The following FCHO1 variants were observed in gnomAD, a reference collection of about 807,000 sequenced individuals.
FCHO1 encodes the protein FCH and mu domain containing endocytic adaptor 1.
In FCHO1, 45 loss-of-function variants were observed where a neutral mutation model predicts 114.4. The ratio of observed to expected loss-of-function variants is 0.39; its 90% confidence interval spans 0.31 to 0.50. The LOEUF is 0.50. FCHO1 is among the 20% of genes least tolerant of loss of function. The pLI is 0.77. For synonymous variants in FCHO1, 480 were observed against 488.9 expected, an observed-to-expected ratio of 0.98 and a Z score of 0.24; for missense variants, 1,042 against 1,209.6, an observed-to-expected ratio of 0.86 and a Z score of 2.06.
In FCHO1 at chr19:17,770,829, G is replaced by A. The variant is rs748511310; in HGVS notation, c.527G>A (p.Arg176Gln). Residue 176 changes from arginine to glutamine, a missense_variant, in exon 9 of 29, where the codon CGG becomes CAG. Coordinates refer to ENST00000596536, the MANE Select transcript of FCHO1 (RefSeq NM_015122.3). The stretch of plus-strand genomic sequence containing the variant: ...ACCAAGAAGGCGGCAGAGAGCCTGC[G>A]GCGCTCAGTGGAAAAATACAACTCA... Reference protein sequence around the residue: ...TKTKKAAESLRRSVEKYNSAR... With the variant: ...TKTKKAAESLQRSVEKYNSAR... 1.1e-5 allele frequency: 17 copies of A among 1,614,026 alleles called. No homozygotes were observed. The Admixed American group carries it at 1.2e-4, about 11-fold the overall frequency.
rs1236023080 is a variant in FCHO1 at position 17,776,531 on chromosome 19, G to C, written c.1208-104G>C. On this transcript the variant is annotated intron_variant, in intron 17 of 28. Transcript: ENST00000596536. This position sits in a 1 kb window ranked among gnomAD's most constrained non-coding sequence, Gnocchi z 4.4. ...GTCTGCCTGATTTGCTGATCACCTT[G>C]GGCAACTGGCTGGACACCCCCGAGC... The C allele has an allele frequency of 2.3e-6, 3 of 1,325,372 alleles. No individual in the cohort carries two copies. The highest frequency in any genetic ancestry group is 3.3e-6 in the Non-Finnish European group (3 of 922,080). The allele number at this position is 1,325,372 out of a possible 1,614,324, so 82.1% of individuals were successfully genotyped here.
chr19:17,748,996 C>T (rs2081285171), upstream of FCHO1, among the ~76,000 whole-genome samples: 2 of 152,162 alleles, frequency 1.3e-5, no homozygotes, highest in Non-Finnish European at 2.9e-5. Flanking sequence ...TGATGACACT[C>T]TGATATTGGG....
Position 17,776,952 on chromosome 19 carries a change from C to T in FCHO1, c.1259+266C>T, listed in dbSNP as rs1392351620. 6.6e-6 allele frequency among the ~76,000 whole-genome samples: 1 copy of T among 151,988 alleles called. No individual in the cohort carries two copies. Among genetic ancestry groups the T allele is most frequent in the Admixed American group, 6.6e-5 (1 of 15,260 alleles). ...AGCTGAGATTACAGGCACCCACCAC[C>T]ACGCCCAGCTAACTTTTGTATTTTT... is the stretch of plus-strand genomic sequence containing the variant. On this transcript the variant is annotated intron_variant, in intron 18 of 28. Coordinates refer to ENST00000596536, the MANE Select transcript of FCHO1 (RefSeq NM_015122.3). The surrounding 1 kb of genome is among the most constrained non-coding windows in gnomAD (Gnocchi z 4.4).
chr19:17,758,396 G>A (rs970854897), intron 4 of FCHO1, among the ~76,000 whole-genome samples: 5 of 152,208 alleles, frequency 3.3e-5, no homozygotes, highest in East Asian at 1.9e-4. Context: ...GAATAGCCTG[G>A]ACAAAATGTG....
Position 17,784,326 on chromosome 19 carries a change from G to A in FCHO1, c.2226+91G>A, listed in dbSNP as rs2093682302. 1 of 1,473,046 alleles carries A rather than the reference G, an allele frequency of 6.8e-7. No homozygotes were observed. 91.2% of individuals were successfully genotyped at this position (1,473,046 alleles called of 1,614,324 possible). A position where few individuals can be genotyped will look rare whatever the true frequency, so the allele number is the denominator to read the frequency against. On this transcript the variant is annotated intron_variant, in intron 25 of 28. Coordinates refer to ENST00000596536, the MANE Select transcript of FCHO1 (RefSeq NM_015122.3). The surrounding 1 kb of genome is among the most constrained non-coding windows in gnomAD (Gnocchi z 5.3). ...CATGGAGGCGCCTGCGTGTTGGCCA[G>A]GCTGGTCTCGAATTCCTGACCTCAA...
At position 17,781,318 on chromosome 19, in the gene FCHO1, C is replaced by G. The variant is rs922839225; in HGVS notation, c.1715C>G (p.Pro572Arg). The change falls in exon 21 of 29, where the codon CCT becomes CGT. Residue 572 changes from proline (P) to arginine (R), a missense_variant. By Grantham distance (103) the Pro-to-Arg change is moderately radical. This residue lies in a region of FCHO1 where 455 missense variants were observed against 455.4 expected (regional missense o/e 1.00). Coordinates refer to ENST00000596536, the MANE Select transcript of FCHO1 (RefSeq NM_015122.3). ...RRLRSRKVSCPLTRSNGDLSR... is the reference protein window; with the variant it reads ...RRLRSRKVSCRLTRSNGDLSR... ...CTTCGCTCTAGGAAGGTGTCCTGCC[C>G]TCTCACACGTAGCAATGGGGACCTG... The G allele has an allele frequency of 1.2e-6, 2 of 1,613,930 alleles. No individual in the cohort carries two copies. The highest frequency in any genetic ancestry group is 2.7e-5 in the African/African-American group (2 of 74,912).
At chr19:17,778,291 G>T (rs1394971255) in intron 19 of FCHO1, 63 bp downstream of exon 19, 2 of 1,349,508 alleles carry the variant, frequency 1.5e-6, no homozygotes, top group Non-Finnish European at 2.1e-6. Context: ...TGGGGCCATT[G>T]CAGAGTTAGG....
At chr19:17,785,856 G>T (rs2093834776) in intron 26 of FCHO1, among the ~76,000 whole-genome samples, 1 of 150,498 alleles carries the variant, frequency 6.6e-6, no homozygotes. Flanking sequence ...AAATAGTAGT[G>T]GTAGTGTGCT....
rs767348144 is a variant in FCHO1 at position 17,784,736 on chromosome 19, G to T, written c.2238G>T (p.Pro746=). 1 of 1,613,852 alleles carries T rather than the reference G, an allele frequency of 6.2e-7. No homozygotes were observed. The highest frequency in any genetic ancestry group is 8.5e-7 in the Non-Finnish European group (1 of 1,180,016). Residue 746 remains proline (P), a synonymous_variant, in exon 26 of 29, where the codon CCG becomes CCT. Transcript: ENST00000596536. This position sits in a 1 kb window ranked among gnomAD's most constrained non-coding sequence, Gnocchi z 5.3. ...CTCATTCTTCCTAGTTCTCCCGCCC[G>T]GGTCCCCAGTCTGTGCCTCTGCAGC... ...VVLLRYQFSR[P]GPQSVPLQLS...
chr19:17,783,655 A>T (rs1239895560), intron 24 of FCHO1, among the ~76,000 whole-genome samples: 1 of 150,568 alleles, frequency 6.6e-6, no homozygotes, highest in African/African-American at 2.5e-5. Flanking sequence ...ATCTCGGCTC[A>T]CTGCAAGCTC....
intron 4 of FCHO1, among the ~76,000 whole-genome samples, chr19:17,760,660 G>A (rs2085755421): frequency 6.6e-6 from 1 of 152,088 alleles, no homozygotes; most frequent in African/African-American, 2.4e-5. Context: ...CTTGCTGCTT[G>A]TATCATCTCC....
At position 17,784,192 on chromosome 19, in the gene FCHO1, A is replaced by G; in HGVS notation, c.2183A>G (p.Asn728Ser). 1 of 1,613,460 alleles carries G rather than the reference A, an allele frequency of 6.2e-7. No homozygotes were observed. The highest frequency in any genetic ancestry group is 8.5e-7 in the Non-Finnish European group (1 of 1,179,772). Residue 728 changes from asparagine (N) to serine (S), a missense_variant, in exon 25 of 29, where the codon AAC becomes AGC. Asn to Ser is a conservative substitution (Grantham distance 46). Around this residue, in one of 3 missense-constraint regions of FCHO1, gnomAD observed 455 missense variants for 455.4 expected, o/e 1.00. Coordinates refer to ENST00000596536, the MANE Select transcript of FCHO1 (RefSeq NM_015122.3). This position sits in a 1 kb window ranked among gnomAD's most constrained non-coding sequence, Gnocchi z 5.3. ...TEALQRQAEQ[N>S]PTASYYNVVL... ...GCCCTGCAGCGCCAGGCAGAGCAGA[A>G]CCCCACTGCCTCCTACTACAACGTG... is the stretch of plus-strand genomic sequence containing the variant.
intron 20 of FCHO1, among the ~76,000 whole-genome samples, chr19:17,780,011 G>A (rs66870002): frequency 0.38 from 58,012 of 151,224 alleles, 12,028 homozygotes; most frequent in East Asian, 0.75. Context: ...GGAAGCCCCC[G>A]AGTCAGAGGG....
intron 6 of FCHO1, among the ~76,000 whole-genome samples, chr19:17,764,783 G>A (rs1435245593): frequency 1.3e-5 from 2 of 152,018 alleles, no homozygotes; most frequent in African/African-American, 4.8e-5. Context: ...GCTGGGAAGG[G>A]GGCCAGGTGC....
Position 17,766,738 on chromosome 19 carries a change from G to A in FCHO1, c.264G>A (p.Leu88=). 6.2e-7 allele frequency: 1 copy of A among 1,614,172 alleles called. No homozygotes were observed. Among genetic ancestry groups the A allele is most frequent in the Non-Finnish European group, 8.5e-7 (1 of 1,180,014 alleles). ...SDKLALCHLE[L]TRKLQDLIKD... The stretch of plus-strand genomic sequence containing the variant: ...AGCTGGCGCTGTGCCACCTGGAACT[G>A]ACACGGAAGTTACAGGATCTCATCA... The change falls in exon 7 of 29, where the codon CTG becomes CTA. Residue 88 remains leucine (L), a synonymous_variant. Coordinates refer to ENST00000596536, the MANE Select transcript of FCHO1 (RefSeq NM_015122.3).
intron 27 of FCHO1, 30 bp downstream of exon 27, chr19:17,786,659 T>TG: frequency 8.2e-6 from 2 of 243,778 alleles, no homozygotes; most frequent in East Asian, 1.1e-4. Context: ...GAGGGCTGGG[T>TG]GGGAGGGACT....
In FCHO1 at chr19:17,784,612, G is replaced by C. The variant is rs917569131; in HGVS notation, c.2227-113G>C. 3 of 992,778 alleles carry C rather than the reference G, an allele frequency of 3.0e-6. No individual in the cohort carries two copies. The African/African-American group carries it at 4.7e-5, about 16-fold the overall frequency. 61.5% of individuals were successfully genotyped at this position (992,778 alleles called of 1,614,324 possible). A position where few individuals can be genotyped will look rare whatever the true frequency, so the allele number is the denominator to read the frequency against. Reference sequence around the variant, plus strand: ...CATCCATCAAATCTCCCTGTGACTGGACCCCCTTGGGGCGGTGCGTGCATC... The same window carrying C: ...CATCCATCAAATCTCCCTGTGACTGCACCCCCTTGGGGCGGTGCGTGCATC... On this transcript the variant is annotated intron_variant, in intron 25 of 28. Transcript: ENST00000596536. The surrounding 1 kb of genome is among the most constrained non-coding windows in gnomAD (Gnocchi z 5.3).
Position 17,778,825 on chromosome 19 carries a change from C to G in FCHO1, c.1568C>G (p.Ser523Trp), listed in dbSNP as rs1490102130. The part of the protein sequence containing the change: ...RGIRAPPLPD[S>W]PQPLASSPGP... ...ATCCGGGCACCGCCTCTGCCAGACT[C>G]GCCGCAGCCCCTCGCCTCGTCTCCA... Residue 523 changes from serine (S) to tryptophan (W), a missense_variant, in exon 20 of 29, where the codon TCG becomes TGG. By Grantham distance (177) the Ser-to-Trp change is radical. Coordinates refer to ENST00000596536, the MANE Select transcript of FCHO1 (RefSeq NM_015122.3). 1.9e-6 allele frequency: 3 copies of G among 1,553,568 alleles called. No individual in the cohort carries two copies. Among genetic ancestry groups the G allele is most frequent in the East Asian group, 4.7e-5 (2 of 42,808 alleles).
intron 6 of FCHO1, 120 bp from the exon 7 acceptor site, chr19:17,766,549 A>G: frequency 7.8e-7 from 1 of 1,282,802 alleles, no homozygotes. Flanking sequence ...GATTATATGA[A>G]TTAGTATTCA....
Sources: allele counts gnomAD v4.1 joint callset (sites outside exome capture counted in the v4.1 genomes callset), GRCh38; gene constraint gnomAD v4.1.1; regional missense constraint gnomAD v4.1.1; non-coding constraint Gnocchi (gnomAD v3.1); transcripts MANE v1.5; gene names NCBI Gene and HGNC (gene_info 2026-07-23, HGNC 2026-07-21).